The following SPATA32 variants were observed in gnomAD, a reference collection of about 807,000 sequenced individuals.
SPATA32 encodes spermatogenesis-associated protein 32.
Under a neutral mutation model 35.4 loss-of-function variants are expected in SPATA32, and 28 were observed. The ratio of observed to expected loss-of-function variants is 0.79; its 90% CI spans 0.59 to 1.09. The LOEUF (loss-of-function observed/expected upper bound fraction) is 1.09, where lower values mean the gene tolerates loss of function less well. SPATA32 is among the 50% of genes least tolerant of loss of function. The pLI, the probability that SPATA32 is intolerant of heterozygous loss-of-function variation, is 0.00. For missense variants in SPATA32, 409 were observed against 475.9 expected, an observed-to-expected ratio of 0.86 and a Z score of 1.31; for synonymous variants, 168 against 196.3, an observed-to-expected ratio of 0.86 and a Z score of 1.20.
chr17:45,259,711 G>A (rs895522765), intron 1 of SPATA32, among the ~76,000 whole-genome samples: 8 of 152,068 alleles, frequency 5.3e-5, no homozygotes, highest in Admixed American at 2.6e-4. Context: ...GTAGAGATGG[G>A]TCTTGTTATA....
At chr17:45,257,307 CTT>C (rs1304156457) in intron 1 of SPATA32, 100 bp from the exon 2 acceptor site, 1 of 1,322,878 alleles carries the variant, frequency 7.6e-7, no homozygotes, top group Non-Finnish European at 1.1e-6. Flanking sequence ...TCTTTTCTCT[CTT>C]CCCGGCTGCT....
Position 45,256,586 on chromosome 17 carries a change from C to G in SPATA32, c.69-171G>C, listed in dbSNP as rs1016183026. ...ACTCCCCTGCTGTCCCACTCCACTG[C>G]CACCAGGAAGTCTGCGGTTGTATTC... On this transcript the variant is annotated intron_variant, in intron 2 of 4. Coordinates refer to ENST00000331780, the MANE Select transcript of SPATA32 (RefSeq NM_152343.3). The surrounding 1 kb of genome is among the most constrained non-coding windows in gnomAD (Gnocchi z 4.7). Among the ~76,000 whole-genome samples the G allele has an allele frequency of 6.6e-6, 1 of 152,086 alleles. No individual in the cohort carries two copies. Among genetic ancestry groups the G allele is most frequent in the African/African-American group, 2.4e-5 (1 of 41,380 alleles).
chr17:45,258,122 A>T (rs997882276), intron 1 of SPATA32, among the ~76,000 whole-genome samples: 1 of 152,178 alleles, frequency 6.6e-6, no homozygotes, highest in Non-Finnish European at 1.5e-5. Flanking sequence ...AATCGCTCCC[A>T]GGATCATATT....
At chr17:45,257,835 G>A (rs1019815501) in intron 1 of SPATA32, among the ~76,000 whole-genome samples, 3 of 152,136 alleles carry the variant, frequency 2.0e-5, no homozygotes, top group African/African-American at 2.4e-5. Flanking sequence ...CCTATCCGAC[G>A]ATTTATGAGC....
rs1463246848 is a variant in SPATA32, at chr17:45,256,101, A to T, written c.109-28T>A. 1 of 1,571,846 alleles carries T rather than the reference A, an allele frequency of 6.4e-7. No homozygotes were observed. The highest frequency in any genetic ancestry group is 2.4e-5 in the East Asian group (1 of 42,444). On this transcript the variant is annotated intron_variant, in intron 3 of 4. Coordinates refer to ENST00000331780, the MANE Select transcript of SPATA32 (RefSeq NM_152343.3). The surrounding 1 kb of genome is among the most constrained non-coding windows in gnomAD (Gnocchi z 4.7). ...GAAATGTTTCAACTCAAAGCTGAGGAGGCAGGAGCGGGAGGTCCTGCCCCT... is the reference window on the plus strand; with the variant it reads ...GAAATGTTTCAACTCAAAGCTGAGGTGGCAGGAGCGGGAGGTCCTGCCCCT...
At position 45,255,253 on chromosome 17, in the gene SPATA32, C is replaced by T. The variant is rs761612226; in HGVS notation, c.929G>A (p.Trp310Ter). ...PREARAPLKS[W>*]SQEDKNFAQS... ...AGCGAAGTTCTTGTCTTCCTGACTCCAAGATTTCAGTGGTGCTCTGGCTTC... is the reference window on the plus strand; with the variant it reads ...AGCGAAGTTCTTGTCTTCCTGACTCTAAGATTTCAGTGGTGCTCTGGCTTC... Residue 310 changes from tryptophan to a stop codon, truncating the protein, a stop_gained, in exon 4 of 5, where the codon TGG (tryptophan) becomes TAG (stop). Coordinates refer to ENST00000331780, the MANE Select transcript of SPATA32 (RefSeq NM_152343.3). LOFTEE classifies it high-confidence loss of function. The surrounding 1 kb of genome is among the most constrained non-coding windows in gnomAD (Gnocchi z 5.4). The T allele has an allele frequency of 1.2e-6, 2 of 1,614,190 alleles. No homozygotes were observed. Among genetic ancestry groups the T allele is most frequent in the South Asian group, 1.1e-5 (1 of 91,082 alleles).
Position 45,255,823 on chromosome 17 carries a change from G to A in SPATA32, c.359C>T (p.Thr120Met), listed in dbSNP as rs768384875. 13 of 1,614,074 alleles carry A rather than the reference G, an allele frequency of 8.1e-6. No homozygotes were observed. The highest frequency in any genetic ancestry group is 2.2e-5 in the South Asian group (2 of 91,084). Residue 120 changes from threonine (T) to methionine (M), a missense_variant, in exon 4 of 5, where the codon ACG becomes ATG. Transcript: ENST00000331780. The surrounding 1 kb of genome is among the most constrained non-coding windows in gnomAD (Gnocchi z 5.4). ...ACTCCACGGTCTGAAGGTCTGTGGC[G>A]TGGGCAGCCCCATGTTGGAGTGGAC... ...ESVHSNMGLPTPQTFRPWSLN... is the reference protein window; with the variant it reads ...ESVHSNMGLPMPQTFRPWSLN...
Position 45,257,184 on chromosome 17 carries a change from C to T in SPATA32, c.37G>A (p.Gly13Ser), listed in dbSNP as rs564588292. Residue 13 changes from glycine (G) to serine (S), a missense_variant, in exon 2 of 5, where the codon GGC (glycine) becomes AGC (serine). Transcript: ENST00000331780. The part of the protein sequence containing the change: ...VTGAHGFPCC[G>S]KGSVEVAEMR... Reference sequence around the variant, plus strand: ...TCTGCAACCTCCACTGACCCTTTGCCGCAGCATGGAAATCCATGGGCACCT... The same window carrying T: ...TCTGCAACCTCCACTGACCCTTTGCTGCAGCATGGAAATCCATGGGCACCT... 6.8e-6 allele frequency: 11 copies of T among 1,612,334 alleles called. No homozygotes were observed. Among genetic ancestry groups the T allele is most frequent in the Admixed American group, 3.3e-5 (2 of 59,932 alleles).
intron 1 of SPATA32, chr17:45,259,873 T>A (rs1024672061): frequency 6.6e-6 from 1 of 152,116 alleles, no homozygotes; most frequent in African/African-American, 2.4e-5. Context: ...ATAAACCTCA[T>A]TTGGTTGTGA....
chr17:45,259,314 AGT>A (rs1430373090), intron 1 of SPATA32, among the ~76,000 whole-genome samples: 1 of 152,054 alleles, frequency 6.6e-6, no homozygotes, highest in Non-Finnish European at 1.5e-5. Context: ...ATCTTTGTGA[AGT>A]TTCGTCTCTT....
In SPATA32 at chr17:45,254,506, G is replaced by T. The variant is rs1265705728; in HGVS notation, c.1075C>A (p.Pro359Thr). The change falls in exon 5 of 5, where the codon CCG (proline) becomes ACG (threonine). Residue 359 changes from proline (P) to threonine (T), a missense_variant. Physicochemically the swap from Pro to Thr is conservative, Grantham distance 38 (BLOSUM62 -1). Coordinates refer to ENST00000331780, the MANE Select transcript of SPATA32 (RefSeq NM_152343.3). The stretch of plus-strand genomic sequence containing the variant: ...GGATTCTCTTTCTCTTTTCCTGGCG[G>T]CACTGAGCTGCAACACAAAAGAGAG... ...LLQGSKEDSV[P>T]PGKEKENPLL... 1 of 1,614,058 alleles carries T rather than the reference G, an allele frequency of 6.2e-7. No individual in the cohort carries two copies. Among genetic ancestry groups the T allele is most frequent in the Admixed American group, 1.7e-5 (1 of 60,020 alleles).
At chr17:45,259,360 G>T (rs1708645905) in intron 1 of SPATA32, among the ~76,000 whole-genome samples, 1 of 151,986 alleles carries the variant, frequency 6.6e-6, no homozygotes, top group African/African-American at 2.4e-5. Flanking sequence ...ATGGATGCTG[G>T]ATTTTGCCTA....
At position 45,255,170 on chromosome 17, in the gene SPATA32, T is replaced by C. The variant is rs367778056; in HGVS notation, c.1012A>G (p.Ile338Val). Reference sequence around the variant, plus strand: ...GTGGCTGGTGGCTGGAGAAGCTGGATTTGCCCTTTGATGGTGGCCCTCTTG... The same window carrying C: ...GTGGCTGGTGGCTGGAGAAGCTGGACTTGCCCTTTGATGGTGGCCCTCTTG... ...GIKRATIKGQ[I>V]QLLQPPATSP... The change falls in exon 4 of 5, where the codon ATC becomes GTC. Residue 338 changes from isoleucine (I) to valine (V), a missense_variant. Ile to Val is a conservative substitution (Grantham distance 29). Transcript: ENST00000331780. This position sits in a 1 kb window ranked among gnomAD's most constrained non-coding sequence, Gnocchi z 5.4. The C allele has an allele frequency of 6.2e-7, 1 of 1,614,094 alleles. No individual in the cohort carries two copies. Among genetic ancestry groups the C allele is most frequent in the Non-Finnish European group, 8.5e-7 (1 of 1,180,038 alleles).
Position 45,256,139 on chromosome 17 carries a change from G to T in SPATA32, c.109-66C>A. On this transcript the variant is annotated intron_variant, in intron 3 of 4. Transcript: ENST00000331780. The surrounding 1 kb of genome is among the most constrained non-coding windows in gnomAD (Gnocchi z 4.7). Reference sequence around the variant, plus strand: ...AGGTCCTGCCCCTGAGGCCCTCCCTGGCACCGAGTCCCTGCCCCACCCCTG... The same window carrying T: ...AGGTCCTGCCCCTGAGGCCCTCCCTTGCACCGAGTCCCTGCCCCACCCCTG... The T allele has an allele frequency of 6.6e-7, 1 of 1,523,360 alleles. No individual in the cohort carries two copies. The highest frequency in any genetic ancestry group is 8.9e-7 in the Non-Finnish European group (1 of 1,120,512). The allele number at this position is 1,523,360 out of a possible 1,614,324, so 94.4% of individuals were successfully genotyped here.
chr17:45,255,658 A>G lies in SPATA32; in HGVS notation c.524T>C (p.Ile175Thr), dbSNP rs2043949110. 6.2e-7 allele frequency: 1 copy of G among 1,613,966 alleles called. No homozygotes were observed. The highest frequency in any genetic ancestry group is 1.3e-5 in the African/African-American group (1 of 74,992). Residue 175 changes from isoleucine to threonine, a missense_variant, in exon 4 of 5, where the codon ATC becomes ACC. Physicochemically the swap from Ile to Thr is moderately conservative, Grantham distance 89 (BLOSUM62 -1). Transcript: ENST00000331780. This position sits in a 1 kb window ranked among gnomAD's most constrained non-coding sequence, Gnocchi z 5.4. ...GCTGCCATTGTTGAGCTGCATGTTG[A>G]TGGCCCGCTGCAGGCTGTGCTCTGA... ...QASEHSLQRA[I>T]NMQLNNGSAG...
intron 1 of SPATA32, chr17:45,260,854 T>C (rs2043999193): frequency 6.6e-6 from 1 of 152,240 alleles, no homozygotes; most frequent in African/African-American, 2.4e-5. Context: ...TTTTCATCTC[T>C]TGGCATCCAG....
At chr17:45,261,942 C>G in intron 1 of SPATA32, 62 bp downstream of exon 1, 1 of 1,299,142 alleles carries the variant, frequency 7.7e-7, no homozygotes, top group Non-Finnish European at 9.8e-7. Context: ...GCCCCTCCCC[C>G]TCTCACTTTC....
At chr17:45,258,171 G>A (rs1203222860) in intron 1 of SPATA32, among the ~76,000 whole-genome samples, 2 of 152,174 alleles carry the variant, frequency 1.3e-5, no homozygotes, top group Non-Finnish European at 2.9e-5. Context: ...TCCTAGAGAT[G>A]TAGTGGCTGG....
In SPATA32 at chr17:45,255,994, T is replaced by TCTGGGA; in HGVS notation, c.187_188insTCCCAG (p.Pro62_Glu63insValPro). 1 of 1,613,550 alleles carries TCTGGGA rather than the reference T, an allele frequency of 6.2e-7. No individual in the cohort carries two copies. The highest frequency in any genetic ancestry group is 1.1e-5 in the South Asian group (1 of 91,034). On this transcript the variant is annotated inframe_insertion, in exon 4 of 5. Coordinates refer to ENST00000331780, the MANE Select transcript of SPATA32 (RefSeq NM_152343.3). This position sits in a 1 kb window ranked among gnomAD's most constrained non-coding sequence, Gnocchi z 5.4. ...AGCCGGCACCTGTCCGATCTCCAGTTCTGGGTCTGGGTCTGGGTCTGGGTC... is the reference window on the plus strand; with the variant it reads ...AGCCGGCACCTGTCCGATCTCCAGTTCTGGGACTGGGTCTGGGTCTGGGTCTGGGTC...
Sources: gnomAD v4.1 joint callset for allele counts (sites outside exome capture counted in the v4.1 genomes callset) on GRCh38, gnomAD v4.1.1 for gene constraint, Gnocchi (gnomAD v3.1) non-coding constraint, MANE v1.5 for transcripts, NCBI Gene and HGNC (gene_info 2026-07-23, HGNC 2026-07-21) for gene names.